ADAMTSL2: variants seen among roughly 807,000 people sequenced by gnomAD.
The protein encoded by ADAMTSL2 is ADAMTS-like protein 2.
Under a neutral mutation model 117.0 loss-of-function variants are expected in ADAMTSL2, and 55 were observed. That is an observed-to-expected ratio of 0.47 (90% confidence interval 0.38 to 0.59). The LOEUF (loss-of-function observed/expected upper bound fraction) is 0.59, where lower values mean the gene tolerates loss of function less well. Ranked by LOEUF, ADAMTSL2 falls within the 20% of genes least tolerant of loss-of-function variation. The pLI, the probability that ADAMTSL2 is intolerant of heterozygous loss-of-function variation, is 0.00. For synonymous variants in ADAMTSL2, 572 were observed against 566.4 expected (o/e 1.01, Z -0.14); for missense variants, 1,182 against 1,354.5 (o/e 0.87, Z 2.00).
rs373274579 is a variant in ADAMTSL2, at chr9:133,547,589, C to T, written c.939+376C>T. On this transcript the variant is annotated intron_variant, in intron 9 of 18. Coordinates refer to ENST00000651351, the MANE Select transcript of ADAMTSL2 (RefSeq NM_014694.4). Reference sequence around the variant, plus strand: ...GTGGCTAGCTTCCCTGGAGGACCAGCGGGGGTTCCGTGCTGGCCCATTTCC... The same window carrying T: ...GTGGCTAGCTTCCCTGGAGGACCAGTGGGGGTTCCGTGCTGGCCCATTTCC... 4.1e-4 allele frequency among the ~76,000 whole-genome samples: 62 copies of T among 152,328 alleles called. 2 individuals carry two copies. The South Asian group carries it at 0.01, about 25-fold the overall frequency.
In ADAMTSL2 at chr9:133,568,697, G is replaced by C; in HGVS notation, c.2183G>C (p.Gly728Ala). The change falls in exon 15 of 19, where the codon GGG becomes GCG. Residue 728 changes from glycine to alanine, a missense_variant. Gly to Ala is a moderately conservative substitution (Grantham distance 60, BLOSUM62 0). This residue lies in a region of ADAMTSL2 where 465 missense variants were observed against 565.3 expected (regional missense o/e 0.82). Coordinates refer to ENST00000651351, the MANE Select transcript of ADAMTSL2 (RefSeq NM_014694.4). ...TGTGACCCCAACACCAGGCCTGTAG[G>C]GGAGAAGAACTGCACGGGCCCGCCC... ...KLCDPNTRPV[G>A]EKNCTGPPCD... The C allele has an allele frequency of 6.2e-7, 1 of 1,613,438 alleles. No individual in the cohort carries two copies. The highest frequency in any genetic ancestry group is 8.5e-7 in the Non-Finnish European group (1 of 1,180,010).
rs183460750 is a variant in ADAMTSL2, at chr9:133,543,011, C to T, written c.683-1459C>T. Among the ~76,000 whole-genome samples the T allele has an allele frequency of 1.1e-4, 17 of 151,794 alleles. No homozygotes were observed. The East Asian group carries it at 1.7e-3, about 16-fold the overall frequency. On this transcript the variant is annotated intron_variant, in intron 7 of 18. Transcript: ENST00000651351. Reference sequence around the variant, plus strand: ...TTGCCCAGGCTGGAGTGCAATGATGCGATCTCGGCTTTCTGCAACCTCCGC... The same window carrying T: ...TTGCCCAGGCTGGAGTGCAATGATGTGATCTCGGCTTTCTGCAACCTCCGC...
At chr9:133,573,748 G>A in intron 17 of ADAMTSL2, 95 bp from the exon 18 acceptor site, 1 of 1,518,636 alleles carries the variant, frequency 6.6e-7, no homozygotes, top group Non-Finnish European at 9.1e-7. Flanking sequence ...GAAGGGTGGG[G>A]TGGGGAAGGG....
intron 4 of ADAMTSL2, 86 bp from the exon 5 acceptor site, chr9:133,539,685 T>TGTCCCGGCTGTCCCGGCTGGCCCG: frequency 4.5e-6 from 6 of 1,344,014 alleles, no homozygotes; most frequent in Non-Finnish European, 6.2e-6. Flanking sequence ...CTGTCCCGGC[T>TGTCCCGGCTGTCCCGGCTGGCCCG]GCAGCCACTT....
At chr9:133,539,686 G>A in intron 4 of ADAMTSL2, 85 bp from the exon 5 acceptor site, 1 of 1,305,780 alleles carries the variant, frequency 7.7e-7, no homozygotes. Context: ...TGTCCCGGCT[G>A]CAGCCACTTC....
At position 133,540,707 on chromosome 9, in the gene ADAMTSL2, T is replaced by C. The variant is rs758153700; in HGVS notation, c.522T>C (p.Thr174=). 105 of 1,613,796 alleles carry C rather than the reference T, an allele frequency of 6.5e-5. No individual in the cohort carries two copies. The highest frequency in any genetic ancestry group is 8.6e-5 in the Non-Finnish European group (101 of 1,180,054). The change falls in exon 6 of 19, where the codon ACT becomes ACC. Residue 174 remains threonine, a synonymous_variant. Transcript: ENST00000651351. ...GCGACGGCACATCCTGCAAGCTCAC[T>C]GACCTGCGAGGGGTTTGCGTGTCTG... The part of the protein sequence containing the change: ...PARDGTSCKL[T]DLRGVCVSGK...
intron 3 of ADAMTSL2, 82 bp downstream of exon 3, chr9:133,537,629 T>A: frequency 7.9e-7 from 1 of 1,270,548 alleles, no homozygotes; most frequent in Non-Finnish European, 1.0e-6. Flanking sequence ...CTCTTCAGCC[T>A]GGTGGCTTCT....
chr9:133,572,561 G>A (rs1481567683), intron 17 of ADAMTSL2, among the ~76,000 whole-genome samples: 1 of 152,178 alleles, frequency 6.6e-6, no homozygotes, highest in Admixed American at 6.5e-5. Context: ...GGGCCACTGT[G>A]GGGCCAGGAA....
chr9:133,566,927 C>T lies in ADAMTSL2; in HGVS notation c.1748-9C>T, dbSNP rs1830987389. 1 of 1,603,826 alleles carries T rather than the reference C, an allele frequency of 6.2e-7. No individual in the cohort carries two copies. Among genetic ancestry groups the T allele is most frequent in the East Asian group, 2.3e-5 (1 of 44,420 alleles). ...ATGGCTCACAGACCCACCCCTGTCC[C>T]CAACCCAGGGGTCATGTCTGCGTAC... On this transcript the variant is annotated splice_polypyrimidine_tract_variant and intron_variant, in intron 12 of 18. Coordinates refer to ENST00000651351, the MANE Select transcript of ADAMTSL2 (RefSeq NM_014694.4).
intron 12 of ADAMTSL2, 51 bp from the exon 13 acceptor site, chr9:133,566,885 G>C: frequency 2.5e-6 from 4 of 1,579,772 alleles, no homozygotes; most frequent in Non-Finnish European, 3.4e-6. Flanking sequence ...CTGTCTGCTG[G>C]GCTCCAAGGT....
At chr9:133,570,265 G>A (rs1449257225) in intron 16 of ADAMTSL2, 66 bp from the exon 17 acceptor site, 9 of 1,514,590 alleles carry the variant, frequency 5.9e-6, no homozygotes, top group African/African-American at 1.4e-5. Flanking sequence ...CAGAGTCGCC[G>A]TGGGCCCTGT....
At chr9:133,538,520 C>A in intron 4 of ADAMTSL2, 96 bp downstream of exon 4, 1 of 1,408,144 alleles carries the variant, frequency 7.1e-7, no homozygotes, top group Non-Finnish European at 9.9e-7. Flanking sequence ...GCATTCTGGG[C>A]ATTCTGTTGT....
Position 133,566,952 on chromosome 9 carries a change from C to A in ADAMTSL2, c.1764C>A (p.Tyr588Ter). The change falls in exon 13 of 19, where the codon TAC becomes TAA. Residue 588 changes from tyrosine to a stop codon, truncating the protein, a stop_gained. Coordinates refer to ENST00000651351, the MANE Select transcript of ADAMTSL2 (RefSeq NM_014694.4). LOFTEE classifies it high-confidence loss of function. The stretch of plus-strand genomic sequence containing the variant: ...CCAACCCAGGGGTCATGTCTGCGTA[C>A]GCCATGTGTGTCCGCTATGATGGCG... ...ATCTTGVMSA[Y>*]AMCVRYDGVE... The A allele has an allele frequency of 6.2e-7, 1 of 1,609,124 alleles. No homozygotes were observed. The highest frequency in any genetic ancestry group is 8.5e-7 in the Non-Finnish European group (1 of 1,178,306).
intron 4 of ADAMTSL2, among the ~76,000 whole-genome samples, chr9:133,539,264 A>C (rs1223895567): frequency 6.6e-6 from 1 of 152,190 alleles, no homozygotes. Flanking sequence ...TGGCCCCGGC[A>C]CGACTAAGCT....
chr9:133,533,944 C>A (rs1829990375), upstream of ADAMTSL2, among the ~76,000 whole-genome samples: 1 of 152,208 alleles, frequency 6.6e-6, no homozygotes, highest in Non-Finnish European at 1.5e-5. Flanking sequence ...AAGTCTGGGG[C>A]CCGCCGGGAG....
At chr9:133,540,180 C>T (rs564127163) in intron 5 of ADAMTSL2, among the ~76,000 whole-genome samples, 9 of 152,338 alleles carry the variant, frequency 5.9e-5, no homozygotes, top group African/African-American at 1.7e-4. Context: ...CCAGCCTAGA[C>T]GATCCCAAAC....
At chr9:133,533,165 G>C (rs1456617669), upstream of ADAMTSL2, among the ~76,000 whole-genome samples, 2 of 41,782 alleles carry the variant, frequency 4.8e-5, no homozygotes, top group African/African-American at 1.1e-4. Flanking sequence ...GTGTGTGCCT[G>C]TGTGTGTGTG....
chr9:133,561,764 C>T (rs1830734352), intron 12 of ADAMTSL2, among the ~76,000 whole-genome samples: 1 of 152,054 alleles, frequency 6.6e-6, no homozygotes, highest in Non-Finnish European at 1.5e-5. Context: ...GAAAAAAGAC[C>T]CTCCTCGGTG....
At chr9:133,569,622 G>A (rs1287852136) in intron 16 of ADAMTSL2, 44 bp downstream of exon 16, 5 of 1,545,852 alleles carry the variant, frequency 3.2e-6, no homozygotes, top group African/African-American at 2.7e-5. Context: ...GGTATCTGGA[G>A]AGCATTTGGC....
Sources: allele counts gnomAD v4.1 joint callset (sites outside exome capture counted in the v4.1 genomes callset), GRCh38; gene constraint gnomAD v4.1.1; regional missense constraint gnomAD v4.1.1; transcripts MANE v1.5; gene names NCBI Gene and HGNC (gene_info 2026-07-23, HGNC 2026-07-21).